Variants in CARM1 observed in about 807,000 individuals in gnomAD.
The protein encoded by CARM1 is histone-arginine methyltransferase CARM1.
In CARM1, 14 loss-of-function variants were observed where a neutral mutation model predicts 72.7. The ratio of observed to expected loss-of-function variants is 0.19; its 90% CI spans 0.13 to 0.30. The LOEUF is 0.30. Ranked by LOEUF, CARM1 falls within the 10% of genes least tolerant of loss-of-function variation. The pLI, the probability that CARM1 is intolerant of heterozygous loss-of-function variation, is 1.00. For missense variants in CARM1, 432 were observed against 833.7 expected, an observed-to-expected ratio of 0.52 and a Z score of 5.93; for synonymous variants, 333 against 345.5, an observed-to-expected ratio of 0.96 and a Z score of 0.40.
intron 8 of CARM1, chr19:10,919,345 A>G (rs1363660126): frequency 4.0e-6 from 2 of 495,300 alleles, no homozygotes; most frequent in Admixed American, 3.8e-5. Flanking sequence ...GTGTTCATGT[A>G]TCTGGAGGTT....
At chr19:10,875,334 T>C (rs1049288249) in intron 1 of CARM1, among the ~76,000 whole-genome samples, 2 of 150,464 alleles carry the variant, frequency 1.3e-5, no homozygotes, top group African/African-American at 4.9e-5. Flanking sequence ...CTTTTTTCCT[T>C]TTTTTTTTAA....
chr19:10,908,766 CTCT>C (rs1478895880), intron 3 of CARM1: 32 of 259,040 alleles, frequency 1.2e-4, no homozygotes, highest in Middle Eastern at 1.5e-3. Context: ...CGATCTGCTT[CTCT>C]TCTTCTTTGG....
Position 10,914,157 on chromosome 19 carries a change from C to A in CARM1, c.847+103C>A. On this transcript the variant is annotated intron_variant, in intron 6 of 15. Transcript: ENST00000327064. ...AGCTCCCTGCTTACTGTCGGTGGCC[C>A]GGGGTGTAGGGAAGCCTGGGCTTTT... The A allele has an allele frequency of 4.2e-6, 5 of 1,202,140 alleles. No individual in the cohort carries two copies. The South Asian group carries it at 7.2e-5, about 17-fold the overall frequency. 74.5% of individuals were successfully genotyped at this position (1,202,140 alleles called of 1,614,324 possible). A position where few individuals can be genotyped will look rare whatever the true frequency, so the allele number is the denominator to read the frequency against.
chr19:10,906,861 C>CTTTATTTTATTTTAT (rs58330229), intron 2 of CARM1, among the ~76,000 whole-genome samples: 1,154 of 114,906 alleles, frequency 0.01, 25 homozygotes, highest in Admixed American at 0.016. Context: ...ATAAATATAG[C>CTTTATTTTATTTTAT]TTTATTTTAT....
chr19:10,901,955 A>G (rs1045087741), intron 1 of CARM1, among the ~76,000 whole-genome samples: 1 of 151,736 alleles, frequency 6.6e-6, no homozygotes, highest in Admixed American at 6.6e-5. Flanking sequence ...TCTCAAGAAA[A>G]TATATAGGCC....
chr19:10,878,547 A>ATCCAGATCCT (rs1230711700), intron 1 of CARM1, among the ~76,000 whole-genome samples: 2 of 152,204 alleles, frequency 1.3e-5, no homozygotes. Context: ...GAAATGAAAG[A>ATCCAGATCCT]ACTTGACTGG....
rs1295024177 is a variant in CARM1 at position 10,915,896 on chromosome 19, C to T, written c.848-511C>T. Reference sequence around the variant, plus strand: ...CCATCCTGCCGGCTGGGTGCCTGTGCCAGAACCTAGGCAGTCCCTGTGGTG... The same window carrying T: ...CCATCCTGCCGGCTGGGTGCCTGTGTCAGAACCTAGGCAGTCCCTGTGGTG... On this transcript the variant is annotated intron_variant, in intron 6 of 15. Coordinates refer to ENST00000327064, the MANE Select transcript of CARM1 (RefSeq NM_199141.2). The surrounding 1 kb of genome is among the most constrained non-coding windows in gnomAD (Gnocchi z 4.6). Among the ~76,000 whole-genome samples the T allele has an allele frequency of 6.6e-6, 1 of 152,178 alleles. No individual in the cohort carries two copies. Among genetic ancestry groups the T allele is most frequent in the East Asian group, 1.9e-4 (1 of 5,182 alleles).
intron 2 of CARM1, among the ~76,000 whole-genome samples, chr19:10,906,083 G>C (rs1333622983): frequency 1.3e-5 from 2 of 150,892 alleles, no homozygotes; most frequent in Admixed American, 1.3e-4. Flanking sequence ...CCGCGTAGCT[G>C]GGACTACACG....
At chr19:10,883,519 T>C (rs2073917436) in intron 1 of CARM1, among the ~76,000 whole-genome samples, 1 of 152,202 alleles carries the variant, frequency 6.6e-6, no homozygotes, top group Non-Finnish European at 1.5e-5. Flanking sequence ...AGCCTCCAGA[T>C]CTGCCCAGAA....
At chr19:10,892,978 A>G (rs1000022008) in intron 1 of CARM1, among the ~76,000 whole-genome samples, 15 of 151,526 alleles carry the variant, frequency 9.9e-5, no homozygotes, top group African/African-American at 3.6e-4. Flanking sequence ...CAGGTGATCC[A>G]CCCGCCTCAG....
At chr19:10,921,304 T>G in intron 14 of CARM1, 71 bp from the exon 15 acceptor site, 2 of 1,550,764 alleles carry the variant, frequency 1.3e-6, no homozygotes, top group Middle Eastern at 1.7e-4. Context: ...AGCCTGCTGC[T>G]GTGCATGGGC....
At chr19:10,892,029 G>A (rs936064813) in intron 1 of CARM1, among the ~76,000 whole-genome samples, 3 of 152,072 alleles carry the variant, frequency 2.0e-5, no homozygotes, top group African/African-American at 4.8e-5. Context: ...TCCCTTCCCC[G>A]CCCATCTGTA....
chr19:10,905,942 C>CTT lies in CARM1; in HGVS notation c.346+889_346+890dup, dbSNP rs35328638. ...AGATGTGAGCCACCGTGCCCGGCCCCTTTTTTTTTTTTTTTTTTTTTTTTG... is the reference window on the plus strand; with the variant it reads ...AGATGTGAGCCACCGTGCCCGGCCCCTTTTTTTTTTTTTTTTTTTTTTTTTTG... On this transcript the variant is annotated intron_variant, in intron 2 of 15. Transcript: ENST00000327064. Among the ~76,000 whole-genome samples, 295 of 103,360 alleles carry CTT rather than the reference C, an allele frequency of 2.9e-3. 1 individual carries two copies. Among genetic ancestry groups the CTT allele is most frequent in the East Asian group, 7.0e-3 (18 of 2,556 alleles). The allele number at this position is 103,360 out of a possible 152,430, so 67.8% of individuals were successfully genotyped here.
chr19:10,875,517 T>C (rs1399484208), intron 1 of CARM1, among the ~76,000 whole-genome samples: 1 of 151,906 alleles, frequency 6.6e-6, no homozygotes, highest in Non-Finnish European at 1.5e-5. Context: ...CTCTGCCTCC[T>C]GGGTTCAGGC....
In CARM1 at chr19:10,871,565, G is replaced by GGCGGTA. The variant is rs2073811728; in HGVS notation, c.-134_-133insTAGCGG. ...TGCCCGGCTCGGCCTCGGCCTGCAC[G>GGCGGTA]GCGGCTGCGGCGGCGGTAGCGGCAG... On this transcript the variant is annotated 5_prime_UTR_variant, in exon 1 of 16. Coordinates refer to ENST00000327064, the MANE Select transcript of CARM1 (RefSeq NM_199141.2). This position sits in a 1 kb window ranked among gnomAD's most constrained non-coding sequence, Gnocchi z 5.6. 1 of 143,586 alleles carries GGCGGTA rather than the reference G, an allele frequency of 7.0e-6. No homozygotes were observed. Among genetic ancestry groups the GGCGGTA allele is most frequent in the South Asian group, 2.0e-4 (1 of 4,970 alleles). The allele number at this position is 143,586 out of a possible 1,614,324, so 8.9% of individuals were successfully genotyped here. A position where few individuals can be genotyped will look rare whatever the true frequency, so the allele number is the denominator to read the frequency against.
chr19:10,914,141 C>A, intron 6 of CARM1, 87 bp downstream of exon 6: 1 of 1,333,936 alleles, frequency 7.5e-7, no homozygotes, highest in Admixed American at 2.5e-5. Context: ...CAGCTCCCTG[C>A]TTACTGTCGG....
rs926043828 is a variant in CARM1 at position 10,920,193 on chromosome 19, G to T, written c.1196+227G>T. On this transcript the variant is annotated intron_variant, in intron 10 of 15. Transcript: ENST00000327064. This position sits in a 1 kb window ranked among gnomAD's most constrained non-coding sequence, Gnocchi z 5.3. ...CAGTGTCTGTCCCTCATGGGTCTGT[G>T]TCTGTCTCTTGGCACATGTCAGGGT... Among the ~76,000 whole-genome samples the T allele has an allele frequency of 6.6e-6, 1 of 152,060 alleles. No individual in the cohort carries two copies. Among genetic ancestry groups the T allele is most frequent in the African/African-American group, 2.4e-5 (1 of 41,410 alleles).
At chr19:10,919,738 C>T in intron 9 of CARM1, 58 bp downstream of exon 9, 1 of 1,541,356 alleles carries the variant, frequency 6.5e-7, no homozygotes, top group Non-Finnish European at 8.9e-7. Flanking sequence ...GTCAGGGCCA[C>T]CCCTGGCTCC....
Position 10,916,852 on chromosome 19 carries a change from T to G in CARM1, c.1020+75T>G. 1 of 1,153,458 alleles carries G rather than the reference T, an allele frequency of 8.7e-7. No individual in the cohort carries two copies. The highest frequency in any genetic ancestry group is 1.3e-6 in the Non-Finnish European group (1 of 798,934). 71.5% of individuals were successfully genotyped at this position (1,153,458 alleles called of 1,614,324 possible). On this transcript the variant is annotated intron_variant, in intron 8 of 15. Transcript: ENST00000327064. This position sits in a 1 kb window ranked among gnomAD's most constrained non-coding sequence, Gnocchi z 4.4. ...TGCAGCTGTGCAGCCCTCAGGAAGC[T>G]ACAGCCCCTCTCTGAGCCCTCTCCT...
Sources: gnomAD v4.1 joint callset for allele counts (sites outside exome capture counted in the v4.1 genomes callset) on GRCh38, gnomAD v4.1.1 for gene constraint, Gnocchi (gnomAD v3.1) non-coding constraint, MANE v1.5 for transcripts, NCBI Gene and HGNC (gene_info 2026-07-23, HGNC 2026-07-21) for gene names.